The following PCDHGB3 variants were observed in gnomAD, a reference collection of about 807,000 sequenced individuals.
The protein encoded by PCDHGB3 is protocadherin gamma subfamily B, 3.
In PCDHGB3, 40 loss-of-function variants were observed where a neutral mutation model predicts 59.2. The ratio of observed to expected loss-of-function variants is 0.68; its 90% CI spans 0.52 to 0.88. The LOEUF (loss-of-function observed/expected upper bound fraction) is 0.88. PCDHGB3 is among the 40% of genes least tolerant of loss of function. The pLI, the probability that PCDHGB3 is intolerant of heterozygous loss-of-function variation, is 0.00. For synonymous variants in PCDHGB3, 581 were observed against 503.6 expected (o/e 1.15, Z -2.06); for missense variants, 1,309 against 1,187.9 (o/e 1.10, Z -1.50).
chr5:141,385,704 T>C (rs1297599541), intron 1 of PCDHGB3: 1 of 268,260 alleles, frequency 3.7e-6, no homozygotes. Context: ...CTCTTTAGCA[T>C]TCAAATATGT....
intron 1 of PCDHGB3, among the ~76,000 whole-genome samples, chr5:141,425,668 T>C (rs2096887740): frequency 1.3e-5 from 2 of 152,260 alleles, no homozygotes; most frequent in South Asian, 4.1e-4. Context: ...GCACATCAGA[T>C]TGAAAATAAT....
chr5:141,379,047 T>C (rs570619122), intron 1 of PCDHGB3: 2 of 152,352 alleles, frequency 1.3e-5, no homozygotes, highest in East Asian at 1.9e-4. Flanking sequence ...GGTGGTATTA[T>C]AGAATGGATT....
intron 1 of PCDHGB3, chr5:141,423,979 G>A: frequency 9.0e-7 from 1 of 1,115,484 alleles, no homozygotes. Flanking sequence ...CAGTGTATGA[G>A]GCTCTCAATT....
intron 1 of PCDHGB3, chr5:141,394,624 T>C (rs542816387): frequency 6.2e-7 from 1 of 1,613,110 alleles, no homozygotes; most frequent in African/African-American, 1.3e-5. Flanking sequence ...AACGCCTGGC[T>C]GTCCTACCGC....
intron 1 of PCDHGB3, among the ~76,000 whole-genome samples, chr5:141,453,225 C>T (rs2098758997): frequency 6.6e-6 from 1 of 152,044 alleles, no homozygotes; most frequent in African/African-American, 2.4e-5. Context: ...GCGATCCTCC[C>T]ACCTCAGCCT....
intron 1 of PCDHGB3, among the ~76,000 whole-genome samples, chr5:141,386,359 C>A (rs566341507): frequency 6.6e-6 from 1 of 152,014 alleles, no homozygotes; most frequent in African/African-American, 2.4e-5. Flanking sequence ...AATCTTGATT[C>A]CAGAGACCTT....
rs2099746956 is a variant in PCDHGB3 at position 141,493,207 on chromosome 5, A to C, written c.2416-1600A>C. Among the ~76,000 whole-genome samples, 1 of 152,152 alleles carries C rather than the reference A, an allele frequency of 6.6e-6. No individual in the cohort carries two copies. The highest frequency in any genetic ancestry group is 2.4e-5 in the African/African-American group (1 of 41,442). On this transcript the variant is annotated intron_variant, in intron 1 of 3. Coordinates refer to ENST00000576222, the MANE Select transcript of PCDHGB3 (RefSeq NM_018924.5). The surrounding 1 kb of genome is among the most constrained non-coding windows in gnomAD (Gnocchi z 4.3). ...ATAACTCCTTTGAGAACCTCATCTC[A>C]TTTGCTCTTCCCACCATTGCTGTTG...
chr5:141,439,428 C>T (rs1191911600), intron 1 of PCDHGB3, among the ~76,000 whole-genome samples: 1 of 152,170 alleles, frequency 6.6e-6, no homozygotes, highest in Non-Finnish European at 1.5e-5. Flanking sequence ...TATAAATTCC[C>T]AGGAATATTT....
intron 1 of PCDHGB3, chr5:141,413,266 GGA>G: frequency 6.2e-7 from 1 of 1,613,962 alleles, no homozygotes; most frequent in South Asian, 1.1e-5. Context: ...ATGGGAGGCT[GGA>G]GCCCGGCAGA....
intron 1 of PCDHGB3, chr5:141,424,104 A>G (rs1049098128): frequency 6.2e-6 from 5 of 812,458 alleles, no homozygotes; most frequent in Non-Finnish European, 6.1e-6. Flanking sequence ...ATTACTGCTA[A>G]TGTTCAAATT....
chr5:141,464,896 G>C (rs1166142533), intron 1 of PCDHGB3, among the ~76,000 whole-genome samples: 2 of 151,554 alleles, frequency 1.3e-5, no homozygotes, highest in African/African-American at 4.8e-5. Context: ...ATGCCACCAT[G>C]TCCAGCTAAT....
At chr5:141,496,734 G>A (rs527288196) in intron 2 of PCDHGB3, among the ~76,000 whole-genome samples, 4 of 152,066 alleles carry the variant, frequency 2.6e-5, no homozygotes, top group Non-Finnish European at 4.4e-5. Flanking sequence ...GTATTCATTC[G>A]TTCATTTATT....
intron 1 of PCDHGB3, chr5:141,383,623 T>C: frequency 6.2e-7 from 1 of 1,613,932 alleles, no homozygotes; most frequent in South Asian, 1.1e-5. Flanking sequence ...CACGCCTGTC[T>C]TCTCTCTGCC....
chr5:141,399,812 C>T (rs1561672586), intron 1 of PCDHGB3: 1 of 1,613,222 alleles, frequency 6.2e-7, no homozygotes, highest in South Asian at 1.1e-5. Context: ...CTGTACCCCG[C>T]GCTGGGTCCC....
At chr5:141,448,359 CTTTA>C in intron 1 of PCDHGB3, among the ~76,000 whole-genome samples, 1 of 152,074 alleles carries the variant, frequency 6.6e-6, no homozygotes, top group East Asian at 1.9e-4. Context: ...TAGTAGTTTT[CTTTA>C]TTTTATTTTT....
At chr5:141,427,695 C>T in intron 1 of PCDHGB3, 1 of 918,214 alleles carries the variant, frequency 1.1e-6, no homozygotes, top group Non-Finnish European at 1.7e-6. Context: ...CTCCATCCCA[C>T]AAGTCAGCGC....
At position 141,477,271 on chromosome 5, in the gene PCDHGB3, G is replaced by T; in HGVS notation, c.2416-17536G>T. On this transcript the variant is annotated intron_variant, in intron 1 of 3. Transcript: ENST00000576222. The surrounding 1 kb of genome is among the most constrained non-coding windows in gnomAD (Gnocchi z 4.9). ...CTGACCTGGATGCTGGCGAGAACGG[G>T]CTGGTGACCTGCGAAGTTCCACCGG... The T allele has an allele frequency of 1.2e-6, 2 of 1,614,212 alleles. No homozygotes were observed. The highest frequency in any genetic ancestry group is 1.7e-6 in the Non-Finnish European group (2 of 1,180,044).
chr5:141,407,338 A>G (rs1016766073), intron 1 of PCDHGB3, among the ~76,000 whole-genome samples: 33 of 152,208 alleles, frequency 2.2e-4, no homozygotes, highest in Non-Finnish European at 1.8e-4. Context: ...ATTGAAATGT[A>G]TGTTAATTTG....
chr5:141,376,977 G>T (rs529935042), intron 1 of PCDHGB3: 1 of 157,454 alleles, frequency 6.4e-6, no homozygotes, highest in Admixed American at 6.2e-5. Flanking sequence ...GTGAGCCACC[G>T]CGCCCGGCCG....
Sources: allele counts gnomAD v4.1 joint callset (sites outside exome capture counted in the v4.1 genomes callset), GRCh38; gene constraint gnomAD v4.1.1; non-coding constraint Gnocchi (gnomAD v3.1); transcripts MANE v1.5; gene names NCBI Gene and HGNC (gene_info 2026-07-23, HGNC 2026-07-21).